The following SPRED1 variants were observed in gnomAD, a reference collection of about 807,000 sequenced individuals.
The protein encoded by SPRED1 is sprouty-related, EVH1 domain-containing protein 1.
A neutral mutation model predicts 52.3 loss-of-function variants in SPRED1; 18 were observed. The observed-to-expected ratio is 0.34, with a 90% CI of 0.24 to 0.51. The LOEUF (loss-of-function observed/expected upper bound fraction) is 0.51. Among genes scored for constraint, SPRED1 ranks in the 20% least tolerant of loss-of-function variants. The pLI is 0.97. For synonymous variants in SPRED1, 155 were observed against 179.7 expected, an observed-to-expected ratio of 0.86 and a Z score of 1.10; for missense variants, 485 against 551.0, an observed-to-expected ratio of 0.88 and a Z score of 1.20.
chr15:38,285,520 A>G (rs900610835), intron 1 of SPRED1, among the ~76,000 whole-genome samples: 1 of 152,180 alleles, frequency 6.6e-6, no homozygotes, highest in African/African-American at 2.4e-5. Context: ...CAATAAGAGT[A>G]AATGTCCTGA....
chr15:38,347,882 A>G (rs771271372), intron 5 of SPRED1, among the ~76,000 whole-genome samples: 1 of 152,066 alleles, frequency 6.6e-6, no homozygotes, highest in Non-Finnish European at 1.5e-5. Context: ...GCAGAAATTA[A>G]TTGGGGTGTA....
At chr15:38,299,661 T>C (rs1895114550) in intron 2 of SPRED1, 114 bp downstream of exon 2, 1 of 1,101,372 alleles carries the variant, frequency 9.1e-7, no homozygotes, top group African/African-American at 1.6e-5. Flanking sequence ...ATTATGTTTC[T>C]GGAGCTGTTT....
intron 2 of SPRED1, among the ~76,000 whole-genome samples, chr15:38,303,703 A>T (rs1470751468): frequency 6.6e-6 from 1 of 152,068 alleles, no homozygotes; most frequent in Non-Finnish European, 1.5e-5. Flanking sequence ...TGCTAGTATT[A>T]TTAAAATTTG....
chr15:38,349,426 C>A lies in SPRED1; in HGVS notation c.587C>A (p.Thr196Lys). 1 of 1,609,068 alleles carries A rather than the reference C, an allele frequency of 6.2e-7. No individual in the cohort carries two copies. Among genetic ancestry groups the A allele is most frequent in the Non-Finnish European group, 8.5e-7 (1 of 1,175,832 alleles). The change falls in exon 6 of 7, where the codon ACA becomes AAA. Residue 196 changes from threonine to lysine, a missense_variant. Coordinates refer to ENST00000299084, the MANE Select transcript of SPRED1 (RefSeq NM_152594.3). ...VYMQSQANQITFGQPGLDIQS... is the reference protein window; with the variant it reads ...VYMQSQANQIKFGQPGLDIQS... ...TAGAAATTGTTTGTATTTTAGATAA[C>A]ATTTGGTCAGCCAGGCTTGGACATT... is the stretch of plus-strand genomic sequence containing the variant.
intron 2 of SPRED1, among the ~76,000 whole-genome samples, chr15:38,308,847 C>A (rs1377244829): frequency 6.6e-6 from 1 of 152,138 alleles, no homozygotes; most frequent in African/African-American, 2.4e-5. Flanking sequence ...ACCAGGTATG[C>A]AGTGGCTGGG....
intron 1 of SPRED1, among the ~76,000 whole-genome samples, chr15:38,289,409 C>CT (rs58172284): frequency 6.0e-4 from 86 of 144,528 alleles, no homozygotes; most frequent in East Asian, 4.4e-3. Flanking sequence ...AAGGAAGTAC[C>CT]TTTTTTTTTT....
chr15:38,314,200 A>G (rs1895424169), intron 2 of SPRED1, among the ~76,000 whole-genome samples: 1 of 151,806 alleles, frequency 6.6e-6, no homozygotes. Context: ...CATAGGTCAG[A>G]TGTTTTAATG....
In SPRED1 at chr15:38,352,408, T is replaced by C. The variant is rs1042288157; in HGVS notation, c.*744T>C. On this transcript the variant is annotated 3_prime_UTR_variant, in exon 7 of 7. Coordinates refer to ENST00000299084, the MANE Select transcript of SPRED1 (RefSeq NM_152594.3). ...ATCTGTACATTCTGGTAATCTAAAA[T>C]CCTTAAAAATACTCTAATAGCCTTG... is the stretch of plus-strand genomic sequence containing the variant. 6.6e-6 allele frequency: 1 copy of C among 152,504 alleles called. No homozygotes were observed. 9.4% of individuals were successfully genotyped at this position (152,504 alleles called of 1,614,324 possible).
chr15:38,345,644 TG>T (rs1254038532), intron 5 of SPRED1, among the ~76,000 whole-genome samples: 1 of 152,156 alleles, frequency 6.6e-6, no homozygotes, highest in African/African-American at 2.4e-5. Context: ...CCAAATCCCA[TG>T]GGAATGATGC....
intron 2 of SPRED1, among the ~76,000 whole-genome samples, chr15:38,319,824 G>A (rs1895566108): frequency 6.6e-6 from 1 of 152,172 alleles, no homozygotes; most frequent in African/African-American, 2.4e-5. Flanking sequence ...TTACTACCAA[G>A]AATTATTATA....
intron 1 of SPRED1, among the ~76,000 whole-genome samples, chr15:38,279,231 G>A (rs370834577): frequency 3.3e-5 from 5 of 152,142 alleles, no homozygotes; most frequent in Non-Finnish European, 7.3e-5. Context: ...CGATATGATC[G>A]TACCATATTT....
intron 2 of SPRED1, among the ~76,000 whole-genome samples, chr15:38,307,237 A>T (rs1242310375): frequency 1.3e-5 from 2 of 152,146 alleles, no homozygotes; most frequent in African/African-American, 2.4e-5. Context: ...TGGTTAATCA[A>T]CCACTGAGTG....
rs1297045602 is a variant in SPRED1, at chr15:38,265,435, TAAGA to T, written c.32+12221_32+12224del. Reference sequence around the variant, plus strand: ...TTTTTAAAAAGGATTATTAACCTACTAAGAAAAATTGTGTTTCATTTTAAATGTT... The same window carrying T: ...TTTTTAAAAAGGATTATTAACCTACTAAAATTGTGTTTCATTTTAAATGTT... On this transcript the variant is annotated intron_variant, in intron 1 of 6. Coordinates refer to ENST00000299084, the MANE Select transcript of SPRED1 (RefSeq NM_152594.3). 2.6e-5 allele frequency among the ~76,000 whole-genome samples: 4 copies of T among 151,440 alleles called. No individual in the cohort carries two copies. The East Asian group carries it at 7.9e-4, about 30-fold the overall frequency.
chr15:38,275,608 G>A (rs1332824577), intron 1 of SPRED1, among the ~76,000 whole-genome samples: 2 of 151,924 alleles, frequency 1.3e-5, no homozygotes, highest in African/African-American at 4.8e-5. Flanking sequence ...ATCAATTCCC[G>A]TACCTCAGCC....
At chr15:38,348,308 A>C (rs969476516) in intron 5 of SPRED1, among the ~76,000 whole-genome samples, 5 of 151,666 alleles carry the variant, frequency 3.3e-5, no homozygotes, top group South Asian at 2.1e-4. Flanking sequence ...TCCTCTTGTT[A>C]ATTTCTAAAT....
intron 1 of SPRED1, chr15:38,298,480 A>G (rs1379557628): frequency 6.7e-6 from 2 of 300,474 alleles, no homozygotes; most frequent in Non-Finnish European, 1.3e-5. Flanking sequence ...ATAAATTATG[A>G]TAGATTTATT....
chr15:38,298,450 G>T, intron 1 of SPRED1: 1 of 268,344 alleles, frequency 3.7e-6, no homozygotes, highest in South Asian at 3.5e-5. Flanking sequence ...AAATCCAAAT[G>T]CCTGTCCATG....
At chr15:38,276,877 A>T (rs1253145565) in intron 1 of SPRED1, among the ~76,000 whole-genome samples, 1 of 152,116 alleles carries the variant, frequency 6.6e-6, no homozygotes, top group South Asian at 2.1e-4. Flanking sequence ...TTACTAACTT[A>T]TGGAACATTC....
At chr15:38,263,417 G>A (rs1894242182) in intron 1 of SPRED1, among the ~76,000 whole-genome samples, 1 of 152,118 alleles carries the variant, frequency 6.6e-6, no homozygotes, top group Non-Finnish European at 1.5e-5. Context: ...GAGGCCAGTG[G>A]AAAATTTCCC....
Sources: allele counts gnomAD v4.1 joint callset (sites outside exome capture counted in the v4.1 genomes callset), GRCh38; gene constraint gnomAD v4.1.1; transcripts MANE v1.5; gene names NCBI Gene and HGNC (gene_info 2026-07-23, HGNC 2026-07-21).